ROBO2: variants seen among roughly 807,000 people sequenced by gnomAD.
ROBO2 encodes the protein roundabout homolog 2.
In ROBO2, 53 loss-of-function variants were observed where a neutral mutation model predicts 160.8. The ratio of observed to expected loss-of-function variants is 0.33; its 90% CI spans 0.26 to 0.41. The LOEUF (loss-of-function observed/expected upper bound fraction) is 0.41, where lower values mean the gene tolerates loss of function less well. ROBO2 is among the 10% of genes least tolerant of loss of function. ROBO2 has a pLI of 1.00. For missense variants in ROBO2, 1,577 were observed against 1,722.4 expected (o/e 0.92, Z 1.49); for synonymous variants, 664 against 611.7 (o/e 1.09, Z -1.26).
Position 76,433,344 on chromosome 3 carries a change from C to T in ROBO2, c.109+495742C>T, listed in dbSNP as rs561128517. On this transcript the variant is annotated intron_variant, in intron 2 of 26. Coordinates refer to the ROBO2 transcript ENST00000487694. ...ATATGAATTTCAGATCAACCATAAA[C>T]AATATTTAGTATAAATAAACTAAAC... Among the ~76,000 whole-genome samples, 46 of 152,190 alleles carry T rather than the reference C, an allele frequency of 3.0e-4. No individual in the cohort carries two copies. In the South Asian group the frequency reaches 4.3e-3, roughly 14 times the overall value.
At chr3:77,564,836 TTGTGTGTG>T (rs3832237) in intron 11 of ROBO2, 110 bp from the exon 13 acceptor site, 2 of 786,056 alleles carry the variant, frequency 2.5e-6, no homozygotes, top group Non-Finnish European at 4.3e-6. Context: ...ACTTCAAGTG[TTGTGTGTG>T]TGTGTGTGTG....
In ROBO2 at chr3:76,292,319, A is replaced by G. The variant is rs886065914; in HGVS notation, c.109+354717A>G. Among the ~76,000 whole-genome samples the G allele has an allele frequency of 2.0e-5, 3 of 152,166 alleles. No individual in the cohort carries two copies. In the South Asian group the frequency reaches 6.2e-4, roughly 31 times the overall value. ...ACACGAATTAACTCAGGAAGGTGCT[A>G]CCTCCAACCACCTACTCAAATCCTG... On this transcript the variant is annotated intron_variant, in intron 2 of 26. Transcript: ENST00000487694.
At chr3:76,064,944 C>T (rs963847942) in intron 2 of ROBO2, among the ~76,000 whole-genome samples, 6 of 151,968 alleles carry the variant, frequency 3.9e-5, no homozygotes, top group Non-Finnish European at 7.4e-5. Context: ...TACTTGACTT[C>T]TATATCTTTA....
intron 2 of ROBO2, among the ~76,000 whole-genome samples, chr3:76,275,669 C>T (rs1707876508): frequency 6.6e-6 from 1 of 152,102 alleles, no homozygotes; most frequent in South Asian, 2.1e-4. Flanking sequence ...TAAGTACATA[C>T]AATTGAATGT....
At chr3:77,407,536 C>G (rs944237378) in intron 2 of ROBO2, among the ~76,000 whole-genome samples, 1 of 152,122 alleles carries the variant, frequency 6.6e-6, no homozygotes. Flanking sequence ...GAAAAATTAT[C>G]ATGTGCAAAT....
At chr3:76,752,218 C>G (rs895542349) in intron 2 of ROBO2, among the ~76,000 whole-genome samples, 1 of 150,046 alleles carries the variant, frequency 6.7e-6, no homozygotes, top group Non-Finnish European at 1.5e-5. Context: ...TGTTCTCACT[C>G]ATAGGTGGGA....
chr3:77,072,688 CTGTTT>C (rs2067551666), intron 1 of ROBO2, among the ~76,000 whole-genome samples: 1 of 152,148 alleles, frequency 6.6e-6, no homozygotes, highest in Non-Finnish European at 1.5e-5. Context: ...CCTTCAGTCT[CTGTTT>C]TGTTTGCAAG....
intron 2 of ROBO2, among the ~76,000 whole-genome samples, chr3:77,358,350 A>G (rs2069429477): frequency 1.3e-5 from 2 of 152,144 alleles, no homozygotes; most frequent in South Asian, 2.1e-4. Context: ...GACTTTTTAT[A>G]ACAACACTGC....
chr3:76,884,751 A>G lies in ROBO2; in HGVS notation c.110-213263A>G, dbSNP rs143249775. ...ATTTTAATCTTTTTAATTAAATTTT[A>G]TTAATTTTAATGTGAATGCATTGGA... On this transcript the variant is annotated intron_variant, in intron 2 of 26. Coordinates refer to the ROBO2 transcript ENST00000487694. Among the ~76,000 whole-genome samples the G allele has an allele frequency of 3.0e-3, 455 of 152,254 alleles. 2 individuals carry two copies. The highest frequency in any genetic ancestry group is 0.01 in the African/African-American group (427 of 41,554).
Position 77,511,164 on chromosome 3 carries a change from C to T in ROBO2, c.807-11611C>T, listed in dbSNP as rs766056598. 2.0e-5 allele frequency among the ~76,000 whole-genome samples: 3 copies of T among 151,904 alleles called. No individual in the cohort carries two copies. In the East Asian group the frequency reaches 5.8e-4, roughly 30 times the overall value. On this transcript the variant is annotated intron_variant, in intron 5 of 25. Transcript: ENST00000461745. ...AAACTTGGGCGATGAACAAAAACAA[C>T]GAGCTGGGAACTTTACAGCTGGCCA...
At chr3:76,725,782 T>G (rs926592262) in intron 2 of ROBO2, among the ~76,000 whole-genome samples, 2 of 152,160 alleles carry the variant, frequency 1.3e-5, no homozygotes, top group Non-Finnish European at 2.9e-5. Flanking sequence ...GGCACTACTC[T>G]GAAGGTAGCA....
At chr3:76,329,166 G>T (rs1356580166) in intron 2 of ROBO2, among the ~76,000 whole-genome samples, 4 of 152,010 alleles carry the variant, frequency 2.6e-5, no homozygotes, top group Admixed American at 1.3e-4. Flanking sequence ...GGAGAGACAC[G>T]ACAAGGTCAG....
chr3:77,368,786 T>G (rs1233777920), intron 2 of ROBO2, among the ~76,000 whole-genome samples: 1 of 152,190 alleles, frequency 6.6e-6, no homozygotes, highest in Non-Finnish European at 1.5e-5. Context: ...CTTCCTAAAT[T>G]GATCTCTAAT....
intron 2 of ROBO2, among the ~76,000 whole-genome samples, chr3:76,394,739 A>C (rs1308579584): frequency 6.6e-6 from 1 of 152,158 alleles, no homozygotes; most frequent in African/African-American, 2.4e-5. Context: ...AGGCCATTAC[A>C]TAACGGTAAA....
chr3:76,586,660 A>G (rs772804999), intron 2 of ROBO2, among the ~76,000 whole-genome samples: 2 of 152,230 alleles, frequency 1.3e-5, no homozygotes, highest in Non-Finnish European at 2.9e-5. Flanking sequence ...CAGTGATCAC[A>G]TGTGGCTAGT....
At chr3:76,627,874 C>A (rs779422244) in intron 2 of ROBO2, among the ~76,000 whole-genome samples, 34 of 152,118 alleles carry the variant, frequency 2.2e-4, no homozygotes, top group Non-Finnish European at 4.4e-4. Flanking sequence ...GGATTTTTTT[C>A]TTGTTTAATA....
chr3:77,166,560 T>C (rs1317199178), intron 2 of ROBO2, among the ~76,000 whole-genome samples: 1 of 152,068 alleles, frequency 6.6e-6, no homozygotes, highest in Non-Finnish European at 1.5e-5. Flanking sequence ...GTGTTTTTTT[T>C]GTTTGTTTGT....
At chr3:76,885,951 G>T (rs2073839601) in intron 2 of ROBO2, among the ~76,000 whole-genome samples, 1 of 152,134 alleles carries the variant, frequency 6.6e-6, no homozygotes, top group South Asian at 2.1e-4. Context: ...GCGGGGGAGG[G>T]CAGGTTCATG....
At chr3:76,294,875 T>C (rs1346500720) in intron 2 of ROBO2, among the ~76,000 whole-genome samples, 1 of 152,162 alleles carries the variant, frequency 6.6e-6, no homozygotes, top group Admixed American at 6.5e-5. Context: ...AAAACTGTCT[T>C]GATAGATAGT....
Sources: gnomAD v4.1 joint callset for allele counts (sites outside exome capture counted in the v4.1 genomes callset) on GRCh38, gnomAD v4.1.1 for gene constraint, MANE v1.5 for transcripts, NCBI Gene and HGNC (gene_info 2026-07-23, HGNC 2026-07-21) for gene names.